Variants in GPRC5B observed in about 807,000 individuals in gnomAD.
GPRC5B encodes the protein G protein-coupled receptor family C group 5 member B.
In GPRC5B, 16 loss-of-function variants were observed where a neutral mutation model predicts 30.1. That is an observed-to-expected ratio of 0.53 (90% CI 0.36 to 0.81). The LOEUF is 0.81. Ranked by LOEUF, GPRC5B falls within the 30% of genes least tolerant of loss-of-function variation. The pLI, the probability that GPRC5B is intolerant of heterozygous loss-of-function variation, is 0.01. For missense variants in GPRC5B, 428 were observed against 544.7 expected (o/e 0.79, Z 2.13); for synonymous variants, 241 against 239.5 (o/e 1.01, Z -0.06).
chr16:19,874,299 C>A (rs1048517023), intron 1 of GPRC5B, among the ~76,000 whole-genome samples: 1 of 152,122 alleles, frequency 6.6e-6, no homozygotes, highest in Non-Finnish European at 1.5e-5. Context: ...CCCTCTGCTC[C>A]CTCTGCCTGG....
intron 2 of GPRC5B, among the ~76,000 whole-genome samples, chr16:19,865,165 C>T (rs1051029285): frequency 3.3e-5 from 5 of 152,082 alleles, no homozygotes; most frequent in Non-Finnish European, 7.4e-5. Context: ...CTGCCTCAGC[C>T]TCCCAAAGAG....
At chr16:19,873,396 G>A (rs1001921699) in intron 1 of GPRC5B, among the ~76,000 whole-genome samples, 4 of 149,708 alleles carry the variant, frequency 2.7e-5, no homozygotes, top group Admixed American at 6.7e-5. Flanking sequence ...CCTGGGAGGC[G>A]AAGGTTGCAG....
At chr16:19,863,942 C>T (rs572919149) in intron 2 of GPRC5B, among the ~76,000 whole-genome samples, 11 of 152,076 alleles carry the variant, frequency 7.2e-5, no homozygotes, top group Non-Finnish European at 1.6e-4. Flanking sequence ...CCAACCCCCC[C>T]GCAACCTTGA....
upstream of GPRC5B, chr16:19,885,145 G>A (rs1597639497): frequency 8.4e-7 from 1 of 1,185,720 alleles, no homozygotes; most frequent in Non-Finnish European, 1.1e-6. The surrounding 1 kb of genome is among the most constrained non-coding windows in gnomAD (Gnocchi z 5.3). Flanking sequence ...CAGACGAGCC[G>A]GGCAACTCCC....
intron 2 of GPRC5B, among the ~76,000 whole-genome samples, chr16:19,870,039 CA>C (rs1177370692): frequency 6.6e-6 from 1 of 152,160 alleles, no homozygotes; most frequent in Non-Finnish European, 1.5e-5. Context: ...TGTGCCACTG[CA>C]CTCTAGCCTG....
chr16:19,866,635 C>T (rs2056669988), intron 2 of GPRC5B, among the ~76,000 whole-genome samples: 1 of 152,176 alleles, frequency 6.6e-6, no homozygotes, highest in African/African-American at 2.4e-5. Flanking sequence ...CCGCCTCGGC[C>T]TCCCAAAGTG....
At chr16:19,885,257 G>T, upstream of GPRC5B, 1 of 1,287,636 alleles carries the variant, frequency 7.8e-7, no homozygotes, top group Non-Finnish European at 1.0e-6. The surrounding 1 kb of genome is among the most constrained non-coding windows in gnomAD (Gnocchi z 5.3). Context: ...CTGCCCCCAG[G>T]CCACGCTCCA....
In GPRC5B at chr16:19,871,945, G is replaced by A. The variant is rs924212364; in HGVS notation, c.901C>T (p.Gln301Ter). The change falls in exon 2 of 4, where the codon CAG becomes TAG. Residue 301 changes from glutamine to a stop codon, truncating the protein, a stop_gained. Transcript: ENST00000300571. LOFTEE classifies it high-confidence loss of function. The stretch of plus-strand genomic sequence containing the variant: ...TCGAAGTAGTTGGGCGTGTTCTCCT[G>A]CAGGGCTGGCAGAAGGGTGCAGTGG... ...EIHCTLLPAL[Q>*]ENTPNYFDTS... The A allele has an allele frequency of 6.2e-6, 10 of 1,614,084 alleles. No homozygotes were observed. Among genetic ancestry groups the A allele is most frequent in the Non-Finnish European group, 8.5e-6 (10 of 1,180,030 alleles).
intron 2 of GPRC5B, among the ~76,000 whole-genome samples, chr16:19,867,990 C>A (rs964861231): frequency 6.6e-5 from 10 of 152,260 alleles, no homozygotes; most frequent in African/African-American, 1.7e-4. Context: ...TCGCTTGAAC[C>A]CGGGAGGTGG....
Position 19,872,302 on chromosome 16 carries a change from C to T in GPRC5B, c.544G>A (p.Val182Met). 6.2e-7 allele frequency: 1 copy of T among 1,614,086 alleles called. No individual in the cohort carries two copies. The highest frequency in any genetic ancestry group is 2.2e-5 in the East Asian group (1 of 44,862). The stretch of plus-strand genomic sequence containing the variant: ...CTTGTGTCACGCAGCACGGTGAGCA[C>T]CAGCCACTCCACAGCGATGATGACT... ...VQVIIAVEWL[V>M]LTVLRDTRPA... Residue 182 changes from valine to methionine, a missense_variant, in exon 2 of 4, where the codon GTG becomes ATG. Physicochemically the swap from Val to Met is conservative, Grantham distance 21 (BLOSUM62 1). This residue lies in a region of GPRC5B where 196 missense variants were observed against 272.6 expected (regional missense o/e 0.72). Coordinates refer to ENST00000300571, the MANE Select transcript of GPRC5B (RefSeq NM_016235.3). The surrounding 1 kb of genome is among the most constrained non-coding windows in gnomAD (Gnocchi z 5.0).
chr16:19,872,992 C>T lies in GPRC5B; in HGVS notation c.-1-146G>A, dbSNP rs892430112. On this transcript the variant is annotated intron_variant, in intron 1 of 3. Transcript: ENST00000300571. This position sits in a 1 kb window ranked among gnomAD's most constrained non-coding sequence, Gnocchi z 5.0. ...ACCTTTGCACACATAGGAAAACGTG[C>T]TCCTTTCCTCAGGCACGGAGGTTTT... The T allele has an allele frequency of 6.3e-6, 4 of 631,498 alleles. No individual in the cohort carries two copies. The highest frequency in any genetic ancestry group is 1.9e-5 in the South Asian group (1 of 51,572). 39.1% of individuals were successfully genotyped at this position (631,498 alleles called of 1,614,324 possible).
Position 19,884,786 on chromosome 16 carries a change from C to G in GPRC5B, c.-61G>C. On this transcript the variant is annotated 5_prime_UTR_variant, in exon 1 of 4. Coordinates refer to ENST00000300571, the MANE Select transcript of GPRC5B (RefSeq NM_016235.3). ...CTGGCCTTCGGCCCGAGTCACATCT[C>G]TGCGGCGCGGCCGCGGCCCCCGCTC... 1 of 984,698 alleles carries G rather than the reference C, an allele frequency of 1.0e-6. No individual in the cohort carries two copies. The highest frequency in any genetic ancestry group is 1.2e-6 in the Non-Finnish European group (1 of 829,568). 61.0% of individuals were successfully genotyped at this position (984,698 alleles called of 1,614,324 possible).
intron 2 of GPRC5B, among the ~76,000 whole-genome samples, chr16:19,869,747 AC>A (rs1479305827): frequency 6.6e-6 from 1 of 151,904 alleles, no homozygotes; most frequent in Admixed American, 6.6e-5. Context: ...ATACTTATCC[AC>A]CCCAGTCACC....
chr16:19,884,525 T>G (rs1175575134), intron 1 of GPRC5B, among the ~76,000 whole-genome samples: 19 of 18,714 alleles, frequency 1.0e-3, no homozygotes, highest in Non-Finnish European at 1.7e-3. Context: ...CGCCCACCCC[T>G]CTACGGCTCT....
At chr16:19,862,620 A>T (rs2141138314) in intron 2 of GPRC5B, among the ~76,000 whole-genome samples, 1 of 152,334 alleles carries the variant, frequency 6.6e-6, no homozygotes, top group South Asian at 2.1e-4. Context: ...AAACAAAAAA[A>T]AAGGGTAGAA....
chr16:19,873,292 G>A (rs1160179852), intron 1 of GPRC5B, among the ~76,000 whole-genome samples: 4 of 151,872 alleles, frequency 2.6e-5, no homozygotes, highest in African/African-American at 7.2e-5. Context: ...GTAAAACACC[G>A]TCTCTACTAA....
chr16:19,867,518 G>A (rs926627862), intron 2 of GPRC5B, among the ~76,000 whole-genome samples: 1 of 152,200 alleles, frequency 6.6e-6, no homozygotes, highest in Non-Finnish European at 1.5e-5. Context: ...TACTTGGGTA[G>A]CTCTGGCATC....
intron 1 of GPRC5B, among the ~76,000 whole-genome samples, chr16:19,881,638 C>T (rs761721312): frequency 3.9e-5 from 6 of 152,188 alleles, no homozygotes; most frequent in Admixed American, 2.6e-4. Flanking sequence ...AAAAATAAGC[C>T]GGGCGTGGTG....
intron 1 of GPRC5B, among the ~76,000 whole-genome samples, chr16:19,875,747 C>G (rs1165745657): frequency 2.0e-5 from 3 of 152,116 alleles, no homozygotes; most frequent in Non-Finnish European, 4.4e-5. Flanking sequence ...CCACTGCACT[C>G]CAGCCTGGGC....
Sources: gnomAD v4.1 joint callset for allele counts (sites outside exome capture counted in the v4.1 genomes callset) on GRCh38, gnomAD v4.1.1 for gene constraint, gnomAD v4.1.1 regional missense constraint, Gnocchi (gnomAD v3.1) non-coding constraint, MANE v1.5 for transcripts, NCBI Gene and HGNC (gene_info 2026-07-23, HGNC 2026-07-21) for gene names.